Variants in KIDINS220 observed in about 807,000 individuals in gnomAD.
KIDINS220 encodes the protein kinase D-interacting substrate of 220 kDa.
In KIDINS220, 63 loss-of-function variants were observed where a neutral mutation model predicts 157.6. The ratio of observed to expected loss-of-function variants is 0.40; its 90% CI spans 0.33 to 0.49. The LOEUF (loss-of-function observed/expected upper bound fraction) is 0.49. Ranked by LOEUF, KIDINS220 falls within the 20% of genes least tolerant of loss-of-function variation. The probability of loss-of-function intolerance (pLI) is 0.66; values close to 1 mark genes in which losing one functional copy is unlikely to be tolerated. For missense variants in KIDINS220, 1,772 were observed against 2,171.2 expected, an observed-to-expected ratio of 0.82 and a Z score of 3.65; for synonymous variants, 732 against 783.6, an observed-to-expected ratio of 0.93 and a Z score of 1.10.
chr2:8,732,844 T>C (rs1664331074), intron 29 of KIDINS220, among the ~76,000 whole-genome samples: 1 of 152,160 alleles, frequency 6.6e-6, no homozygotes, highest in South Asian at 2.1e-4. Context: ...CACCCTGCTC[T>C]GCTTTTCCTC....
At chr2:8,753,814 G>T (rs973109992) in intron 22 of KIDINS220, among the ~76,000 whole-genome samples, 15 of 152,162 alleles carry the variant, frequency 9.9e-5, no homozygotes, top group Non-Finnish European at 2.2e-4. Flanking sequence ...GAAAAACCCA[G>T]AGAACACAAT....
intron 12 of KIDINS220, among the ~76,000 whole-genome samples, chr2:8,792,692 T>G (rs2148284087): frequency 6.6e-6 from 1 of 152,248 alleles, no homozygotes; most frequent in Middle Eastern, 3.4e-3. Flanking sequence ...GAGAAGAAAT[T>G]TTTACAACCA....
chr2:8,739,761 T>C (rs1665384628), intron 26 of KIDINS220, among the ~76,000 whole-genome samples: 1 of 152,220 alleles, frequency 6.6e-6, no homozygotes, highest in Non-Finnish European at 1.5e-5. Flanking sequence ...TCAGAATTTG[T>C]TAAAATTTTT....
intron 22 of KIDINS220, among the ~76,000 whole-genome samples, chr2:8,756,993 C>A (rs1047835384): frequency 6.6e-5 from 10 of 152,076 alleles, no homozygotes; most frequent in African/African-American, 2.4e-4. Context: ...CAATGTCAGG[C>A]CTACATCCAA....
At chr2:8,721,377 T>C (rs1281554900), downstream of KIDINS220, 2 of 152,212 alleles carry the variant, frequency 1.3e-5, no homozygotes, top group Non-Finnish European at 2.9e-5. Context: ...TGCATCATAA[T>C]TGGATGAGTG....
In KIDINS220 at chr2:8,760,858, A is replaced by T. The variant is rs558179477; in HGVS notation, c.3012-9214T>A. Reference sequence around the variant, plus strand: ...CACTGGGAGTACAAGTCTAAAAAATAGTGTATTACTGCATGATATTTACCC... The same window carrying T: ...CACTGGGAGTACAAGTCTAAAAAATTGTGTATTACTGCATGATATTTACCC... On this transcript the variant is annotated intron_variant, in intron 22 of 29. Transcript: ENST00000256707. 4.9e-4 allele frequency among the ~76,000 whole-genome samples: 74 copies of T among 152,272 alleles called. 2 individuals are homozygous for T. In the South Asian group the frequency reaches 0.015, roughly 31 times the overall value.
chr2:8,793,784 AGTTAGGAGC>A lies in KIDINS220; in HGVS notation c.1276+17_1276+25del, dbSNP rs1446458524. On this transcript the variant is annotated intron_variant, in intron 12 of 29. Transcript: ENST00000256707. ...TGGAACATTGATTATTTAAAAGCTC[AGTTAGGAGC>A]AAAACTCAATACTTACTGGCTCCAA... 1.9e-6 allele frequency: 3 copies of A among 1,548,260 alleles called. No individual in the cohort carries two copies. The highest frequency in any genetic ancestry group is 1.7e-6 in the Non-Finnish European group (2 of 1,146,242).
chr2:8,789,096 G>A (rs4669339), intron 14 of KIDINS220, among the ~76,000 whole-genome samples: 148,710 of 152,252 alleles, frequency 0.98, 72,638 homozygotes, highest in Middle Eastern at 0.99. Flanking sequence ...CGCAACTGGT[G>A]AAGTTGGTTA....
At chr2:8,768,559 A>C (rs1437367352) in intron 22 of KIDINS220, among the ~76,000 whole-genome samples, 1 of 152,246 alleles carries the variant, frequency 6.6e-6, no homozygotes, top group African/African-American at 2.4e-5. Context: ...CTATAAAAAT[A>C]AACGAGGCTT....
chr2:8,744,401 A>ATATAT (rs57838968), intron 26 of KIDINS220, among the ~76,000 whole-genome samples: 9 of 7,030 alleles, frequency 1.3e-3, no homozygotes, highest in Non-Finnish European at 1.5e-3. Flanking sequence ...ATATATATAT[A>ATATAT]ATATATATAT....
intron 2 of KIDINS220, among the ~76,000 whole-genome samples, chr2:8,824,792 A>T (rs1011997707): frequency 6.6e-6 from 1 of 152,232 alleles, no homozygotes; most frequent in African/African-American, 2.4e-5. Flanking sequence ...GCCACAGATG[A>T]ATAGACCAAG....
intron 13 of KIDINS220, 84 bp from the exon 14 acceptor site, chr2:8,790,143 T>A: frequency 1.6e-6 from 2 of 1,279,906 alleles, no homozygotes; most frequent in Non-Finnish European, 2.2e-6. Context: ...TTTCACATTT[T>A]CAATGTAAAC....
intron 2 of KIDINS220, among the ~76,000 whole-genome samples, chr2:8,820,061 T>C (rs1349957001): frequency 6.6e-6 from 1 of 152,170 alleles, no homozygotes; most frequent in Non-Finnish European, 1.5e-5. Context: ...CTTCAATGTT[T>C]TCCCATAGTT....
intron 17 of KIDINS220, among the ~76,000 whole-genome samples, chr2:8,781,864 A>T (rs1572633668): frequency 6.6e-6 from 1 of 152,170 alleles, no homozygotes; most frequent in Non-Finnish European, 1.5e-5. Context: ...GCTCATGCCT[A>T]TAATCCCAGC....
At chr2:8,754,933 C>T (rs1572513080) in intron 22 of KIDINS220, among the ~76,000 whole-genome samples, 1 of 152,312 alleles carries the variant, frequency 6.6e-6, no homozygotes, top group East Asian at 1.9e-4. Context: ...CTCTTAAATG[C>T]CTTAGAATTT....
At chr2:8,770,621 TTA>T in intron 22 of KIDINS220, 47 bp downstream of exon 22, 1 of 1,146,482 alleles carries the variant, frequency 8.7e-7, no homozygotes, top group Non-Finnish European at 1.2e-6. Context: ...TTTTTTTTTT[TTA>T]ACTCAACCTA....
intron 26 of KIDINS220, among the ~76,000 whole-genome samples, chr2:8,742,312 G>T (rs2148001693): frequency 6.6e-6 from 1 of 151,400 alleles, no homozygotes; most frequent in Non-Finnish European, 1.5e-5. Context: ...TGTTGCCTAG[G>T]CTGGTCTTGA....
rs188334098 is a variant in KIDINS220, at chr2:8,820,485, A to G, written c.109-1692T>C. On this transcript the variant is annotated intron_variant, in intron 2 of 29. Transcript: ENST00000256707. Reference sequence around the variant, plus strand: ...AAGCAAATAGTTATAATGATTACCAAAATACAACAGATGCTATTATAAGAA... The same window carrying G: ...AAGCAAATAGTTATAATGATTACCAGAATACAACAGATGCTATTATAAGAA... 1.3e-4 allele frequency among the ~76,000 whole-genome samples: 20 copies of G among 152,352 alleles called. No individual in the cohort carries two copies. In the East Asian group the frequency reaches 1.7e-3, roughly 13 times the overall value.
chr2:8,813,508 A>C (rs1028781120), intron 4 of KIDINS220, among the ~76,000 whole-genome samples, 173 bp from the exon 5 acceptor site: 2 of 152,238 alleles, frequency 1.3e-5, no homozygotes, highest in Non-Finnish European at 2.9e-5. Context: ...ACATGAAATA[A>C]GTCAAATCTC....
Sources: gnomAD v4.1 joint callset for allele counts (sites outside exome capture counted in the v4.1 genomes callset) on GRCh38, gnomAD v4.1.1 for gene constraint, MANE v1.5 for transcripts, NCBI Gene and HGNC (gene_info 2026-07-23, HGNC 2026-07-21) for gene names.